Variants in TENM2 observed in about 807,000 individuals in gnomAD.
TENM2 encodes teneurin transmembrane protein 2, also known as teneurin-2.
A neutral mutation model predicts 245.2 loss-of-function variants in TENM2; 52 were observed. That is an observed-to-expected ratio of 0.21 (90% CI 0.17 to 0.27). The LOEUF is 0.27. Among genes scored for constraint, TENM2 ranks in the 10% least tolerant of loss-of-function variants. The probability of loss-of-function intolerance (pLI) is 1.00; values close to 1 mark genes in which losing one functional copy is unlikely to be tolerated. For synonymous variants in TENM2, 1,363 were observed against 1,438.9 expected (o/e 0.95, Z 1.19); for missense variants, 3,046 against 3,666.8 (o/e 0.83, Z 4.37).
rs184746151 is a variant in TENM2, at chr5:167,724,288, G to T, written c.503-151698G>T. 7.3e-3 allele frequency among the ~76,000 whole-genome samples: 1,055 copies of T among 143,774 alleles called. 25 individuals carry two copies. Among genetic ancestry groups the T allele is most frequent in the African/African-American group, 0.025 (1,005 of 39,544 alleles). The allele number at this position is 143,774 out of a possible 152,430, so 94.3% of individuals were successfully genotyped here. A position where few individuals can be genotyped will look rare whatever the true frequency, so the allele number is the denominator to read the frequency against. On this transcript the variant is annotated intron_variant, in intron 2 of 28. Coordinates refer to ENST00000518659, the Ensembl canonical transcript of TENM2. Reference sequence around the variant, plus strand: ...AAGACAATCTGTGGATAAATTACTAGTTTTTTTTTTTTTTCCCATGTACTT... The same window carrying T: ...AAGACAATCTGTGGATAAATTACTATTTTTTTTTTTTTTTCCCATGTACTT...
At chr5:167,268,549 A>G in the TENM2 span, among the ~76,000 whole-genome samples, 2 of 152,170 alleles carry the variant, frequency 1.3e-5, no homozygotes, top group Admixed American at 1.3e-4. Flanking sequence ...TTGGTGAGGC[A>G]TGTTTGATGT....
intron 2 of TENM2, among the ~76,000 whole-genome samples, chr5:167,426,228 G>A (rs1403406716): frequency 6.6e-6 from 1 of 152,026 alleles, no homozygotes; most frequent in Non-Finnish European, 1.5e-5. Context: ...ATTCTGATAT[G>A]AGCCATGCAA....
Position 167,983,183 on chromosome 5 carries a change from G to GA in TENM2, c.948-9749dup, listed in dbSNP as rs61167885. ...AACTCCAGAGGGGGAAAAAGAAGAA[G>GA]AAAAAAAAAAAAGACTCTTCATCTC... On this transcript the variant is annotated intron_variant, in intron 4 of 28. Transcript: ENST00000518659. 2.6e-3 allele frequency among the ~76,000 whole-genome samples: 367 copies of GA among 142,396 alleles called. No homozygotes were observed. The East Asian group carries it at 0.029, about 11-fold the overall frequency. The allele number at this position is 142,396 out of a possible 152,430, so 93.4% of individuals were successfully genotyped here.
intron 21 of TENM2, 110 bp downstream of exon 23, chr5:168,215,382 C>G: frequency 1.2e-6 from 1 of 831,956 alleles, no homozygotes; most frequent in Non-Finnish European, 2.0e-6. Context: ...CACAGCTTTC[C>G]CTGTAATCAT....
intron 2 of TENM2, among the ~76,000 whole-genome samples, chr5:167,720,001 G>A (rs1175448002): frequency 6.6e-6 from 1 of 152,124 alleles, no homozygotes; most frequent in Non-Finnish European, 1.5e-5. Context: ...AAAAGAGGGG[G>A]GGGCTTGGGG....
At chr5:168,091,778 A>C (rs930317758) in intron 8 of TENM2, among the ~76,000 whole-genome samples, 2 of 152,156 alleles carry the variant, frequency 1.3e-5, no homozygotes, top group Non-Finnish European at 2.9e-5. Context: ...TGTAGATCTC[A>C]AGATTCACTG....
intron 4 of TENM2, among the ~76,000 whole-genome samples, chr5:167,982,510 C>T (rs927006327): frequency 1.3e-5 from 2 of 152,204 alleles, no homozygotes; most frequent in Non-Finnish European, 2.9e-5. Context: ...TCTGTGTTCT[C>T]GGATTGTATT....
At chr5:167,954,973 G>A (rs1780436630) in intron 4 of TENM2, among the ~76,000 whole-genome samples, 1 of 151,972 alleles carries the variant, frequency 6.6e-6, no homozygotes, top group South Asian at 2.1e-4. Context: ...AATCCTTTGG[G>A]TTCATACCCA....
At chr5:167,764,660 C>A (rs564520555) in intron 2 of TENM2, among the ~76,000 whole-genome samples, 1 of 152,240 alleles carries the variant, frequency 6.6e-6, no homozygotes, top group East Asian at 1.9e-4. Flanking sequence ...CACTTGGAGA[C>A]GGTGGGCCGG....
In TENM2 at chr5:167,364,485, A is replaced by C. The variant is rs1039998406; in HGVS notation, c.227-10713A>C. ...TAATTACATTAAATATAAATTGACT[A>C]TCATACCAATTAAAAGACAGAGATT... is the stretch of plus-strand genomic sequence containing the variant. On this transcript the variant is annotated intron_variant, in intron 1 of 28. Transcript: ENST00000518659. 2.6e-5 allele frequency among the ~76,000 whole-genome samples: 4 copies of C among 152,178 alleles called. No homozygotes were observed. The East Asian group carries it at 5.8e-4, about 22-fold the overall frequency.
intron 2 of TENM2, among the ~76,000 whole-genome samples, chr5:167,794,129 A>G (rs1765164368): frequency 6.6e-6 from 1 of 152,096 alleles, no homozygotes; most frequent in Admixed American, 6.5e-5. Flanking sequence ...TGAAGAATAT[A>G]TTACAGTAGC....
At chr5:167,378,510 A>T (rs79867368) in intron 2 of TENM2, among the ~76,000 whole-genome samples, 22,410 of 151,420 alleles carry the variant, frequency 0.15, 1,892 homozygotes, top group Non-Finnish European at 0.19. Flanking sequence ...GATTCATGTT[A>T]TCTTTTCAGG....
the TENM2 span, among the ~76,000 whole-genome samples, chr5:167,277,599 G>C: frequency 6.6e-6 from 1 of 152,160 alleles, no homozygotes; most frequent in Non-Finnish European, 1.5e-5. Flanking sequence ...GTTGGGAGGA[G>C]AATTCTGTAA....
chr5:167,729,772 T>C (rs574763905), intron 2 of TENM2, among the ~76,000 whole-genome samples: 24 of 152,336 alleles, frequency 1.6e-4, no homozygotes, highest in Admixed American at 5.2e-4. Context: ...AATAGAAATT[T>C]GAACTTGGCA....
intron 2 of TENM2, among the ~76,000 whole-genome samples, chr5:167,510,624 A>AAAAG (rs1032274600): frequency 1.3e-5 from 2 of 151,014 alleles, no homozygotes; most frequent in African/African-American, 4.9e-5. Flanking sequence ...GGAAGGAAGG[A>AAAAG]AAAGAAAGAA....
intron 2 of TENM2, chr5:167,660,490 A>AAAAG (rs1755138444): frequency 6.7e-6 from 1 of 150,320 alleles, no homozygotes; most frequent in African/African-American, 2.5e-5. Context: ...AAAAAAAAAA[A>AAAAG]AAGATATTAC....
chr5:167,627,111 A>G (rs556669987), intron 2 of TENM2, among the ~76,000 whole-genome samples: 5 of 152,296 alleles, frequency 3.3e-5, no homozygotes, highest in African/African-American at 1.2e-4. Flanking sequence ...TACAGTGTCA[A>G]TTTGTGGAAT....
chr5:167,703,094 A>G (rs1404531429), intron 2 of TENM2, among the ~76,000 whole-genome samples: 2 of 152,208 alleles, frequency 1.3e-5, no homozygotes, highest in African/African-American at 2.4e-5. Flanking sequence ...ACTCATACCT[A>G]CATTCATATA....
the TENM2 span, among the ~76,000 whole-genome samples, chr5:167,187,630 A>G: frequency 6.6e-6 from 1 of 152,062 alleles, no homozygotes; most frequent in African/African-American, 2.4e-5. Flanking sequence ...GTGACTCTAC[A>G]GTCCCATCAG....
Sources: allele counts gnomAD v4.1 joint callset (sites outside exome capture counted in the v4.1 genomes callset), GRCh38; gene constraint gnomAD v4.1.1; transcripts MANE v1.5; gene names NCBI Gene and HGNC (gene_info 2026-07-23, HGNC 2026-07-21).